Variants in CELF2 observed in about 807,000 individuals in gnomAD.
CELF2 encodes the protein CUG triplet repeat RNA-binding protein 2.
In CELF2, 8 loss-of-function variants were observed where a neutral mutation model predicts 62.6. That is an observed-to-expected ratio of 0.13 (90% confidence interval 0.07 to 0.23). CELF2 has a LOEUF of 0.23. Ranked by LOEUF, CELF2 falls within the 10% of genes least tolerant of loss-of-function variation. The pLI is 1.00. For synonymous variants in CELF2, 258 were observed against 250.0 expected (o/e 1.03, Z -0.30); for missense variants, 333 against 671.0 (o/e 0.50, Z 5.56).
intron 1 of CELF2, among the ~76,000 whole-genome samples, chr10:10,896,908 G>C (rs887674005): frequency 5.3e-5 from 8 of 152,124 alleles, no homozygotes; most frequent in Non-Finnish European, 1.2e-4. Flanking sequence ...TGTAAGACTG[G>C]GACCATCTGT....
the CELF2 span, among the ~76,000 whole-genome samples, chr10:10,662,413 C>T: frequency 5.3e-5 from 8 of 152,130 alleles, no homozygotes; most frequent in Admixed American, 6.5e-5. Context: ...CACCATTGAA[C>T]GTCTGCCTGG....
At chr10:10,780,991 C>T in the CELF2 span, among the ~76,000 whole-genome samples, 2 of 152,200 alleles carry the variant, frequency 1.3e-5, no homozygotes, top group African/African-American at 2.4e-5. Flanking sequence ...ATTGATAAAA[C>T]ATTCTACTCT....
chr10:10,488,682 T>C, the CELF2 span, among the ~76,000 whole-genome samples: 2 of 152,166 alleles, frequency 1.3e-5, no homozygotes, highest in Non-Finnish European at 2.9e-5. Context: ...TTTTCTACTC[T>C]TTCTCAACAG....
intron 8 of CELF2, among the ~76,000 whole-genome samples, chr10:11,282,432 A>G (rs993711575): frequency 1.3e-5 from 2 of 152,154 alleles, no homozygotes; most frequent in African/African-American, 4.8e-5. Context: ...CATGTAGGAG[A>G]GTCACAATGC....
chr10:10,630,933 C>T, the CELF2 span, among the ~76,000 whole-genome samples: 1 of 152,198 alleles, frequency 6.6e-6, no homozygotes, highest in Non-Finnish European at 1.5e-5. Context: ...GCACAATGTA[C>T]ATTTTTATGC....
the CELF2 span, among the ~76,000 whole-genome samples, chr10:10,579,895 G>A: frequency 3.3e-5 from 5 of 151,968 alleles, no homozygotes; most frequent in South Asian, 6.2e-4. Context: ...AAAACACAAT[G>A]AGGTATTGAT....
At chr10:10,704,758 C>T in the CELF2 span, among the ~76,000 whole-genome samples, 142 of 152,204 alleles carry the variant, frequency 9.3e-4, no homozygotes, top group Non-Finnish European at 1.5e-3. Context: ...AGACCCAACA[C>T]GTGCTTCCAC....
At chr10:11,063,012 C>T (rs138465309) in intron 1 of CELF2, among the ~76,000 whole-genome samples, 20 of 152,200 alleles carry the variant, frequency 1.3e-4, no homozygotes, top group Admixed American at 7.8e-4. Flanking sequence ...TTGCAAGCAG[C>T]GGAAGACTCA....
intron 1 of CELF2, among the ~76,000 whole-genome samples, chr10:10,901,346 C>T (rs1247993271): frequency 2.0e-5 from 3 of 152,110 alleles, no homozygotes; most frequent in African/African-American, 7.2e-5. Context: ...GAATAGAAAA[C>T]CTACATATAT....
intron 1 of CELF2, among the ~76,000 whole-genome samples, chr10:11,047,587 C>G (rs186439741): frequency 6.6e-6 from 1 of 152,092 alleles, no homozygotes; most frequent in Non-Finnish European, 1.5e-5. Context: ...TCTTTGATTC[C>G]TAAAGAAGCC....
chr10:10,690,811 C>G, the CELF2 span, among the ~76,000 whole-genome samples: 1 of 152,086 alleles, frequency 6.6e-6, no homozygotes, highest in East Asian at 1.9e-4. Flanking sequence ...ACTGGGGAGG[C>G]AGAGGTTGCA....
chr10:10,933,014 G>A (rs540753903), intron 2 of CELF2, among the ~76,000 whole-genome samples: 49 of 152,252 alleles, frequency 3.2e-4, no homozygotes, highest in African/African-American at 1.1e-3. Flanking sequence ...TTGACACAAG[G>A]CCGGGCACAG....
chr10:10,795,320 T>G (rs930466868), upstream of CELF2, among the ~76,000 whole-genome samples: 2 of 152,128 alleles, frequency 1.3e-5, no homozygotes, highest in Non-Finnish European at 2.9e-5. Flanking sequence ...AAAAAATTTT[T>G]TTTTTATGTA....
At chr10:11,022,271 A>G (rs2058455010) in intron 1 of CELF2, among the ~76,000 whole-genome samples, 1 of 152,224 alleles carries the variant, frequency 6.6e-6, no homozygotes, top group Admixed American at 6.5e-5. Context: ...TCCGAGAGGA[A>G]GAATTCATCC....
At chr10:10,748,565 A>ATG in the CELF2 span, among the ~76,000 whole-genome samples, 3 of 151,698 alleles carry the variant, frequency 2.0e-5, no homozygotes, top group Non-Finnish European at 2.9e-5. Flanking sequence ...TGGCTAGCAC[A>ATG]GTGAAACCCT....
upstream of CELF2, among the ~76,000 whole-genome samples, chr10:11,003,623 G>A (rs977654019): frequency 6.6e-6 from 1 of 152,152 alleles, no homozygotes; most frequent in Non-Finnish European, 1.5e-5. The surrounding 1 kb of genome is among the most constrained non-coding windows in gnomAD (Gnocchi z 4.4). Context: ...GAGCCACAGA[G>A]AGGTTAAGAG....
chr10:11,196,247 G>T (rs1460454585), intron 2 of CELF2, among the ~76,000 whole-genome samples: 1 of 152,258 alleles, frequency 6.6e-6, no homozygotes, highest in Non-Finnish European at 1.5e-5. Flanking sequence ...AGAAAATGAA[G>T]ATGGGGAGTA....
intron 2 of CELF2, among the ~76,000 whole-genome samples, chr10:10,955,651 A>G (rs1357025114): frequency 6.6e-6 from 1 of 152,248 alleles, no homozygotes; most frequent in African/African-American, 2.4e-5. Context: ...CAGGTCACAC[A>G]GCGAGTAAAG....
chr10:10,488,694 G>C, the CELF2 span, among the ~76,000 whole-genome samples: 2 of 152,018 alleles, frequency 1.3e-5, no homozygotes, highest in East Asian at 3.8e-4. Flanking sequence ...TCTCAACAGA[G>C]ATTTGTTTGT....
Sources: gnomAD v4.1 joint callset for allele counts (sites outside exome capture counted in the v4.1 genomes callset) on GRCh38, gnomAD v4.1.1 for gene constraint, Gnocchi (gnomAD v3.1) non-coding constraint, MANE v1.5 for transcripts, NCBI Gene and HGNC (gene_info 2026-07-23, HGNC 2026-07-21) for gene names.